Variants in PARN observed in about 807,000 individuals in gnomAD.
PARN encodes the protein poly(A)-specific ribonuclease PARN.
PARN carries 71 observed loss-of-function variants against 102.8 expected under a neutral mutation model. The ratio of observed to expected loss-of-function variants is 0.69; its 90% CI spans 0.57 to 0.84. The LOEUF is 0.84. PARN is among the 40% of genes least tolerant of loss of function. The pLI, the probability that PARN is intolerant of heterozygous loss-of-function variation, is 0.00. For missense variants in PARN, 782 were observed against 760.9 expected (o/e 1.03, Z -0.33); for synonymous variants, 261 against 252.9 (o/e 1.03, Z -0.30).
intron 22 of PARN, among the ~76,000 whole-genome samples, chr16:14,474,644 G>A (rs1012048877): frequency 3.9e-5 from 6 of 152,204 alleles, no homozygotes; most frequent in Non-Finnish European, 8.8e-5. Flanking sequence ...CTCTTGATGG[G>A]TATTTACTGA....
intron 18 of PARN, among the ~76,000 whole-genome samples, chr16:14,557,907 TTTCCAGCA>T (rs1967797809): frequency 6.6e-6 from 1 of 152,176 alleles, no homozygotes; most frequent in Non-Finnish European, 1.5e-5. Flanking sequence ...TAAATATTAT[TTTCCAGCA>T]TAAACGATAC....
At chr16:14,598,238 C>G (rs1292768793) in intron 12 of PARN, among the ~76,000 whole-genome samples, 1 of 151,956 alleles carries the variant, frequency 6.6e-6, no homozygotes, top group Non-Finnish European at 1.5e-5. Context: ...TTTTAAATGT[C>G]CGGATCGCTA....
At chr16:14,501,460 A>AAAAAAAAAAAAAAC (rs71150191) in intron 21 of PARN, 1 of 137,596 alleles carries the variant, frequency 7.3e-6, no homozygotes, top group Non-Finnish European at 1.6e-5. Context: ...AAAAAAAAAA[A>AAAAAAAAAAAAAAC]CAGAAAGAAA....
chr16:14,610,557 T>C, intron 7 of PARN, 87 bp downstream of exon 7: 1 of 792,424 alleles, frequency 1.3e-6, no homozygotes, highest in East Asian at 2.5e-5. Flanking sequence ...TGTACTATGT[T>C]TGTAAAGCAC....
chr16:14,566,764 G>C (rs1444299106), intron 18 of PARN, among the ~76,000 whole-genome samples: 6 of 152,284 alleles, frequency 3.9e-5, no homozygotes, highest in Admixed American at 2.0e-4. Flanking sequence ...AAAGTAACTA[G>C]AGCAAACACA....
intron 21 of PARN, among the ~76,000 whole-genome samples, chr16:14,510,974 A>C (rs1356840674): frequency 3.3e-5 from 5 of 152,228 alleles, no homozygotes; most frequent in Non-Finnish European, 7.3e-5. Flanking sequence ...CACCAATGTC[A>C]AAAGTTCTGA....
intron 18 of PARN, among the ~76,000 whole-genome samples, chr16:14,575,409 C>A (rs1220487180): frequency 6.6e-6 from 1 of 152,242 alleles, no homozygotes. Flanking sequence ...CCTCCTGCAT[C>A]AGCGTAATCT....
At chr16:14,483,835 A>AT (rs1433208566) in intron 21 of PARN, among the ~76,000 whole-genome samples, 2 of 152,140 alleles carry the variant, frequency 1.3e-5, no homozygotes, top group Non-Finnish European at 2.9e-5. Flanking sequence ...CTACATATGC[A>AT]TTTTTTTGTA....
chr16:14,574,989 G>A (rs1815896872), intron 18 of PARN, among the ~76,000 whole-genome samples: 1 of 152,174 alleles, frequency 6.6e-6, no homozygotes, highest in South Asian at 2.1e-4. Context: ...GGAAGCCCTA[G>A]GCCTTGGCAA....
At chr16:14,538,489 G>C (rs575110866) in intron 21 of PARN, among the ~76,000 whole-genome samples, 213 of 152,230 alleles carry the variant, frequency 1.4e-3, no homozygotes, top group Middle Eastern at 3.4e-3. Flanking sequence ...CCAAAGTGCT[G>C]GGATTACAGG....
intron 18 of PARN, among the ~76,000 whole-genome samples, chr16:14,572,180 GGCA>G (rs1968852681): frequency 6.6e-6 from 1 of 152,148 alleles, no homozygotes; most frequent in African/African-American, 2.4e-5. Flanking sequence ...CAGGTGATCA[GGCA>G]GCACCCTCCA....
rs1391007292 is a variant in PARN at position 14,629,677 on chromosome 16, G to A, written c.20-3C>T. On this transcript the variant is annotated splice_polypyrimidine_tract_variant and splice_region_variant and intron_variant, in intron 1 of 23. Coordinates refer to ENST00000437198, the MANE Select transcript of PARN (RefSeq NM_002582.4). ...TTTGTGAAGATTACTCTTAAAATCTGCGGAGAAACCGAAAAGAGGCTCAGA... is the reference window on the plus strand; with the variant it reads ...TTTGTGAAGATTACTCTTAAAATCTACGGAGAAACCGAAAAGAGGCTCAGA... The A allele has an allele frequency of 1.2e-6, 2 of 1,609,794 alleles. No individual in the cohort carries two copies. The highest frequency in any genetic ancestry group is 1.7e-5 in the Admixed American group (1 of 60,028).
At chr16:14,552,433 CA>C (rs1967366340) in intron 20 of PARN, among the ~76,000 whole-genome samples, 1 of 152,118 alleles carries the variant, frequency 6.6e-6, no homozygotes. Context: ...CTATCAAGAC[CA>C]CTAACAAAAA....
At chr16:14,602,732 C>T (rs900460170) in intron 11 of PARN, among the ~76,000 whole-genome samples, 1 of 152,140 alleles carries the variant, frequency 6.6e-6, no homozygotes, top group Non-Finnish European at 1.5e-5. Flanking sequence ...GCTCCCACCC[C>T]CTTCCCTGTC....
At chr16:14,593,194 G>A in intron 13 of PARN, 107 bp downstream of exon 13, 4 of 646,858 alleles carry the variant, frequency 6.2e-6, no homozygotes, top group Non-Finnish European at 1.1e-5. Flanking sequence ...TGCATACAAG[G>A]AAATGGCACC....
intron 22 of PARN, among the ~76,000 whole-genome samples, chr16:14,477,582 C>A (rs1776255101): frequency 6.6e-6 from 1 of 151,578 alleles, no homozygotes; most frequent in African/African-American, 2.4e-5. Flanking sequence ...TCGAGACCAT[C>A]CTGGCCAACA....
At chr16:14,521,527 G>A (rs546385689) in intron 21 of PARN, among the ~76,000 whole-genome samples, 2 of 152,316 alleles carry the variant, frequency 1.3e-5, no homozygotes, top group Admixed American at 6.5e-5. Flanking sequence ...GGCCGGGCAC[G>A]GTGGCTCACG....
Position 14,555,393 on chromosome 16 carries a change from T to A in PARN, c.1318+261A>T, listed in dbSNP as rs75457365. Among the ~76,000 whole-genome samples the A allele has an allele frequency of 0.01, 1,539 of 152,296 alleles. 28 individuals carry two copies. Among genetic ancestry groups the A allele is most frequent in the African/African-American group, 0.035 (1,463 of 41,572 alleles). On this transcript the variant is annotated intron_variant, in intron 19 of 23. Transcript: ENST00000437198. ...CTTATAGAAAATGATGAAATCAGAA[T>A]TCTGAGTGAAAATGAAATATATAGA...
intron 21 of PARN, among the ~76,000 whole-genome samples, chr16:14,551,446 G>A (rs1451665187): frequency 6.6e-6 from 1 of 151,854 alleles, no homozygotes; most frequent in African/African-American, 2.4e-5. Flanking sequence ...TTGCGCGCCT[G>A]TAATCCCAGC....
Sources: allele counts gnomAD v4.1 joint callset (sites outside exome capture counted in the v4.1 genomes callset), GRCh38; gene constraint gnomAD v4.1.1; transcripts MANE v1.5; gene names NCBI Gene and HGNC (gene_info 2026-07-23, HGNC 2026-07-21).